ITGAX: variants seen among roughly 807,000 people sequenced by gnomAD.
ITGAX encodes integrin subunit alpha X.
A neutral mutation model predicts 140.2 loss-of-function variants in ITGAX; 99 were observed. The observed-to-expected ratio is 0.71, with a 90% CI of 0.60 to 0.83. ITGAX has a LOEUF of 0.83. Among genes scored for constraint, ITGAX ranks in the 40% least tolerant of loss-of-function variants. ITGAX has a pLI of 0.00. For missense variants in ITGAX, 1,444 were observed against 1,482.0 expected, an observed-to-expected ratio of 0.97 and a Z score of 0.42; for synonymous variants, 631 against 600.4, an observed-to-expected ratio of 1.05 and a Z score of -0.75.
In ITGAX at chr16:31,356,647, A is replaced by G; in HGVS notation, c.166A>G (p.Lys56Glu). 2 of 1,601,010 alleles carry G rather than the reference A, an allele frequency of 1.2e-6. No homozygotes were observed. The highest frequency in any genetic ancestry group is 1.7e-6 in the Non-Finnish European group (2 of 1,174,890). The change falls in exon 3 of 30, where the codon AAG becomes GAG. Residue 56 changes from lysine to glutamate, a missense_variant. By Grantham distance (56) the Lys-to-Glu change is moderately conservative. Transcript: ENST00000268296. ...CAGGGTGGTGGTTGGAGCCCCCCAA[A>G]AGATAACAGCTGCCAACCAAACGGG... ...NSWVVVGAPQ[K>E]ITAANQTGGL...
chr16:31,361,410 G>A, intron 9 of ITGAX, 197 bp downstream of exon 9: 1 of 712,044 alleles, frequency 1.4e-6, no homozygotes, highest in South Asian at 1.7e-5. Context: ...TGGCCCCAGG[G>A]ATGGCCCTGC....
intron 25 of ITGAX, 58 bp from the exon 26 acceptor site, chr16:31,379,924 C>T (rs1407928921): frequency 1.9e-6 from 3 of 1,605,658 alleles, no homozygotes; most frequent in Non-Finnish European, 2.6e-6. Context: ...ATTCCTTGTG[C>T]CCCATGTGGG....
intron 14 of ITGAX, among the ~76,000 whole-genome samples, chr16:31,368,592 ATTT>A (rs1479623126): frequency 2.4e-4 from 36 of 149,278 alleles, no homozygotes; most frequent in South Asian, 6.3e-4. Flanking sequence ...TTTATTTTTT[ATTT>A]TTTATTTATT....
Position 31,357,308 on chromosome 16 carries a change from T to A in ITGAX, c.374T>A (p.Leu125His). The A allele has an allele frequency of 1.2e-6, 2 of 1,608,736 alleles. No individual in the cohort carries two copies. Among genetic ancestry groups the A allele is most frequent in the Non-Finnish European group, 1.7e-6 (2 of 1,178,296 alleles). The stretch of plus-strand genomic sequence containing the variant: ...GGGAGGAACATGTACCTCACCGGAC[T>A]CTGCTTCCTCCTGGGCCCCACCCAG... Reference protein sequence around the residue: ...ECGRNMYLTGLCFLLGPTQLT... With the variant: ...ECGRNMYLTGHCFLLGPTQLT... Residue 125 changes from leucine (L) to histidine (H), a missense_variant, in exon 5 of 30, where the codon CTC (leucine) becomes CAC (histidine). Transcript: ENST00000268296.
Position 31,377,337 on chromosome 16 carries a change from T to C in ITGAX, c.2789+72T>C, listed in dbSNP as rs1360366582. ...TCAAAAAGAAAAAAAAAAAAAGGCCTTGAAACGCTGCCACAGAGGGTGAGA... is the reference window on the plus strand; with the variant it reads ...TCAAAAAGAAAAAAAAAAAAAGGCCCTGAAACGCTGCCACAGAGGGTGAGA... On this transcript the variant is annotated intron_variant, in intron 23 of 29. Coordinates refer to ENST00000268296, the MANE Select transcript of ITGAX (RefSeq NM_000887.5). 18 of 1,125,150 alleles carry C rather than the reference T, an allele frequency of 1.6e-5. No homozygotes were observed. The East Asian group carries it at 4.1e-4, about 26-fold the overall frequency. 69.7% of individuals were successfully genotyped at this position (1,125,150 alleles called of 1,614,324 possible).
At position 31,382,821 on chromosome 16, in the gene ITGAX, C is replaced by A; in HGVS notation, c.*914C>A. The A allele has an allele frequency of 2.9e-6, 1 of 345,678 alleles. No homozygotes were observed. The highest frequency in any genetic ancestry group is 5.3e-6 in the Non-Finnish European group (1 of 189,620). 21.4% of individuals were successfully genotyped at this position (345,678 alleles called of 1,614,324 possible). On this transcript the variant is annotated 3_prime_UTR_variant, in exon 30 of 30. Coordinates refer to ENST00000268296, the MANE Select transcript of ITGAX (RefSeq NM_000887.5). The stretch of plus-strand genomic sequence containing the variant: ...AGCCCCAGGGGCAGAAGAGACCCAA[C>A]CACTTCTATTTTTTGAGGCTATGAA...
In ITGAX at chr16:31,369,023, G is replaced by A. The variant is rs372216976; in HGVS notation, c.1711-2061G>A. On this transcript the variant is annotated intron_variant, in intron 14 of 29. Coordinates refer to ENST00000268296, the MANE Select transcript of ITGAX (RefSeq NM_000887.5). The stretch of plus-strand genomic sequence containing the variant: ...TGTCTACTTCTTTCTACACAGACAC[G>A]GCAACCATCCGATTTCTCAATCTTT... Among the ~76,000 whole-genome samples the A allele has an allele frequency of 3.7e-3, 563 of 152,270 alleles. 2 individuals are homozygous for A. The highest frequency in any genetic ancestry group is 0.012 in the African/African-American group (510 of 41,552).
Position 31,373,420 on chromosome 16 carries a change from A to AGGGC in ITGAX, c.2508+31_2508+34dup, listed in dbSNP as rs779514792. 1.1e-5 allele frequency: 18 copies of AGGGC among 1,597,650 alleles called. No homozygotes were observed. In the African/African-American group the frequency reaches 2.3e-4, roughly 20 times the overall value. ...ACCCTCTGGGGAAGGAGGAGGAGGC[A>AGGGC]GGGCTGGGCGTTAGCGTAGATTCCC... On this transcript the variant is annotated intron_variant, in intron 20 of 29. Transcript: ENST00000268296.
intron 20 of ITGAX, among the ~76,000 whole-genome samples, chr16:31,375,630 G>A (rs936099633): frequency 1.3e-5 from 2 of 152,210 alleles, no homozygotes; most frequent in Non-Finnish European, 2.9e-5. Flanking sequence ...TCAAAATTGT[G>A]TAACTGTCTC....
Position 31,356,656 on chromosome 16 carries a change from G to A in ITGAX, c.175G>A (p.Ala59Thr), listed in dbSNP as rs1223559902. The change falls in exon 3 of 30, where the codon GCT becomes ACT. Residue 59 changes from alanine to threonine, a missense_variant. Transcript: ENST00000268296. ...VVVGAPQKIT[A>T]ANQTGGLYQC... is the part of the protein sequence containing the mutation. The stretch of plus-strand genomic sequence containing the variant: ...GGTTGGAGCCCCCCAAAAGATAACA[G>A]CTGCCAACCAAACGGGTGGCCTCTA... 2 of 1,601,592 alleles carry A rather than the reference G, an allele frequency of 1.2e-6. No individual in the cohort carries two copies. Among genetic ancestry groups the A allele is most frequent in the Non-Finnish European group, 1.7e-6 (2 of 1,175,154 alleles).
chr16:31,364,845 TA>T (rs1294204419), intron 14 of ITGAX, among the ~76,000 whole-genome samples: 1 of 52,642 alleles, frequency 1.9e-5, no homozygotes, highest in Non-Finnish European at 4.3e-5. Context: ...CCATCTCTAC[TA>T]AAAATACAAA....
chr16:31,360,746 C>A (rs114022946), intron 8 of ITGAX: 525 of 510,448 alleles, frequency 1.0e-3, no homozygotes, highest in African/African-American at 9.3e-3. Flanking sequence ...AAATTCCTGG[C>A]CTTAAGCAAT....
chr16:31,373,147 C>T, intron 19 of ITGAX, 102 bp from the exon 20 acceptor site: 2 of 786,944 alleles, frequency 2.5e-6, no homozygotes, highest in East Asian at 4.6e-5. Context: ...AGGGGTCCGT[C>T]CCCTGTCTAT....
At position 31,362,622 on chromosome 16, in the gene ITGAX, G is replaced by A. The variant is rs779296419; in HGVS notation, c.1228G>A (p.Glu410Lys). 15 of 1,611,700 alleles carry A rather than the reference G, an allele frequency of 9.3e-6. No individual in the cohort carries two copies. In the African/African-American group the frequency reaches 9.4e-5, roughly 10 times the overall value. The change falls in exon 12 of 30, where the codon GAG becomes AAG. Residue 410 changes from glutamate to lysine, a missense_variant. Physicochemically the swap from Glu to Lys is moderately conservative, Grantham distance 56. Transcript: ENST00000268296. ...CCTGGGCCCCTCAGGTTACTCCACC[G>A]AGCTGGCCCTCTGGAAAGGGGTGCA... Reference protein sequence around the residue: ...MRDSYLGYSTELALWKGVQSL... With the variant: ...MRDSYLGYSTKLALWKGVQSL...
rs1164314695 is a variant in ITGAX at position 31,362,592 on chromosome 16, T to C, written c.1217-19T>C. On this transcript the variant is annotated intron_variant, in intron 11 of 29. Transcript: ENST00000268296. ...GGAGGGGGAATGGGGGCCTTTGTGC[T>C]GAGGCCTGGGCCCCTCAGGTTACTC... 3.7e-6 allele frequency: 6 copies of C among 1,605,600 alleles called. No homozygotes were observed.
chr16:31,364,989 A>T (rs1404898443), intron 14 of ITGAX, among the ~76,000 whole-genome samples: 1 of 152,060 alleles, frequency 6.6e-6, no homozygotes, highest in Non-Finnish European at 1.5e-5. Context: ...ACTGCACTCC[A>T]GCCTAGGCAA....
intron 23 of ITGAX, among the ~76,000 whole-genome samples, chr16:31,378,208 G>A (rs2081037343): frequency 6.6e-6 from 1 of 152,362 alleles, no homozygotes. Context: ...GGCCCCCGGG[G>A]AGGTATGTGG....
chr16:31,374,406 T>A (rs1414632996), intron 20 of ITGAX, among the ~76,000 whole-genome samples: 1 of 152,224 alleles, frequency 6.6e-6, no homozygotes, highest in Non-Finnish European at 1.5e-5. Context: ...GCCACATTTG[T>A]TTCATCAATT....
At chr16:31,364,820 C>T (rs2080875224) in intron 14 of ITGAX, among the ~76,000 whole-genome samples, 1 of 143,730 alleles carries the variant, frequency 7.0e-6, no homozygotes, top group African/African-American at 2.5e-5. Flanking sequence ...CTAGCCTGGC[C>T]AACACAGTGA....
Sources: allele counts gnomAD v4.1 joint callset (sites outside exome capture counted in the v4.1 genomes callset), GRCh38; gene constraint gnomAD v4.1.1; transcripts MANE v1.5; gene names NCBI Gene and HGNC (gene_info 2026-07-23, HGNC 2026-07-21).